ABCA4: variants seen among roughly 807,000 people sequenced by gnomAD.
ABCA4 encodes retinal-specific phospholipid-transporting ATPase ABCA4.
ABCA4 carries 196 observed loss-of-function variants against 263.7 expected under a neutral mutation model. That is an observed-to-expected ratio of 0.74 (90% CI 0.66 to 0.84). ABCA4 has a LOEUF of 0.84. Among genes scored for constraint, ABCA4 ranks in the 40% least tolerant of loss-of-function variants. The pLI is 0.00. For synonymous variants in ABCA4, 1,133 were observed against 1,094.2 expected (o/e 1.04, Z -0.70); for missense variants, 2,792 against 2,855.1 (o/e 0.98, Z 0.50).
chr1:94,008,426 G>T lies in ABCA4; in HGVS notation c.5836-129C>A, dbSNP rs142496114. The T allele has an allele frequency of 3.3e-5, 31 of 951,380 alleles. No homozygotes were observed. The African/African-American group carries it at 5.0e-4, about 15-fold the overall frequency. 58.9% of individuals were successfully genotyped at this position (951,380 alleles called of 1,614,324 possible). ...ACTAGGAGGTTACATATTGACATGGGCAGGCACAGAGGTGTGGTGAGTACT... is the reference window on the plus strand; with the variant it reads ...ACTAGGAGGTTACATATTGACATGGTCAGGCACAGAGGTGTGGTGAGTACT... On this transcript the variant is annotated intron_variant, in intron 41 of 49. Coordinates refer to ENST00000370225, the MANE Select transcript of ABCA4 (RefSeq NM_000350.3).
At chr1:94,089,932 G>A (rs1353679378) in intron 6 of ABCA4, among the ~76,000 whole-genome samples, 1 of 152,168 alleles carries the variant, frequency 6.6e-6, no homozygotes, top group Non-Finnish European at 1.5e-5. Context: ...TCAGTTCAGA[G>A]TCATGGGTGG....
chr1:94,032,206 G>A (rs1311153993), intron 26 of ABCA4, among the ~76,000 whole-genome samples, 163 bp from the exon 27 acceptor site: 1 of 151,828 alleles, frequency 6.6e-6, no homozygotes, highest in Non-Finnish European at 1.5e-5. Flanking sequence ...TCTATTTCTA[G>A]TGTAAATTAC....
chr1:94,000,350 T>G (rs1403053597), intron 47 of ABCA4, among the ~76,000 whole-genome samples: 1 of 152,244 alleles, frequency 6.6e-6, no homozygotes, highest in Non-Finnish European at 1.5e-5. Flanking sequence ...ATAATCCTAT[T>G]CAAGATTACT....
rs1333888513 is a variant in ABCA4 at position 94,117,002 on chromosome 1, CTTTCTTTCT to C, written c.67-3945_67-3937del. The stretch of plus-strand genomic sequence containing the variant: ...TCTTTCTTTCTTTCTTTCTTTCTTT[CTTTCTTTCT>C]TTCTTTCTTTCTTTCCTTTTCTTTC... On this transcript the variant is annotated intron_variant, in intron 1 of 49. Transcript: ENST00000370225. Among the ~76,000 whole-genome samples the C allele has an allele frequency of 2.9e-3, 326 of 110,630 alleles. 1 individual carries two copies. Among genetic ancestry groups the C allele is most frequent in the Non-Finnish European group, 3.2e-3 (171 of 52,712 alleles). 72.6% of individuals were successfully genotyped at this position (110,630 alleles called of 152,430 possible). A position where few individuals can be genotyped will look rare whatever the true frequency, so the allele number is the denominator to read the frequency against.
At chr1:94,078,997 T>C (rs1661613093) in intron 9 of ABCA4, among the ~76,000 whole-genome samples, 1 of 152,068 alleles carries the variant, frequency 6.6e-6, no homozygotes, top group Non-Finnish European at 1.5e-5. Flanking sequence ...TGGGAGAAAA[T>C]ACCCTTCCTC....
At chr1:94,061,011 G>T (rs1201430919) in intron 13 of ABCA4, among the ~76,000 whole-genome samples, 2 of 152,194 alleles carry the variant, frequency 1.3e-5, no homozygotes, top group Non-Finnish European at 2.9e-5. Flanking sequence ...CAAGTAAAAT[G>T]TGTCAATAAA....
chr1:94,103,757 C>A (rs557020503), intron 4 of ABCA4, among the ~76,000 whole-genome samples: 1 of 152,234 alleles, frequency 6.6e-6, no homozygotes, highest in East Asian at 1.9e-4. Flanking sequence ...ATGCTCAGGG[C>A]ACTGACATGG....
intron 19 of ABCA4, 136 bp downstream of exon 19, chr1:94,046,783 C>T (rs371773670): frequency 1.7e-5 from 18 of 1,082,238 alleles, no homozygotes; most frequent in African/African-American, 1.2e-4. Flanking sequence ...CTGCAGAAAG[C>T]TTTTACACAT....
chr1:93,994,149 T>C (rs1410558099), intron 49 of ABCA4, among the ~76,000 whole-genome samples: 1 of 152,190 alleles, frequency 6.6e-6, no homozygotes. Context: ...TTGATCTGAG[T>C]TGTTCCTAAT....
chr1:94,053,085 A>G (rs1200964803), intron 16 of ABCA4, among the ~76,000 whole-genome samples: 2 of 152,318 alleles, frequency 1.3e-5, no homozygotes, highest in African/African-American at 4.8e-5. Context: ...GTTGCTGAAC[A>G]CTTTGAGGTG....
At chr1:94,087,035 C>T (rs1661850556) in intron 6 of ABCA4, among the ~76,000 whole-genome samples, 1 of 152,180 alleles carries the variant, frequency 6.6e-6, no homozygotes, top group Non-Finnish European at 1.5e-5. Context: ...GGCATCTTCT[C>T]TCTGTGTCTT....
chr1:94,021,101 A>C, intron 35 of ABCA4, 139 bp downstream of exon 35: 1 of 1,179,154 alleles, frequency 8.5e-7, no homozygotes, highest in Non-Finnish European at 1.3e-6. Flanking sequence ...CTTATTTGAA[A>C]GTCGGATGTT....
At chr1:94,052,273 C>G (rs1660858730) in intron 16 of ABCA4, among the ~76,000 whole-genome samples, 1 of 152,208 alleles carries the variant, frequency 6.6e-6, no homozygotes, top group Non-Finnish European at 1.5e-5. Flanking sequence ...ACCCCCATCC[C>G]TCATTCTACT....
chr1:94,005,964 G>A (rs1033830502), intron 43 of ABCA4, among the ~76,000 whole-genome samples: 2 of 152,164 alleles, frequency 1.3e-5, no homozygotes, highest in African/African-American at 2.4e-5. Context: ...CATGTGTCCC[G>A]ATGGAAGTAA....
chr1:94,097,907 A>G (rs929757603), intron 6 of ABCA4, among the ~76,000 whole-genome samples: 7 of 151,894 alleles, frequency 4.6e-5, no homozygotes, highest in African/African-American at 1.2e-4. Flanking sequence ...CCGCCACCAC[A>G]CCTGGCTAAT....
Position 94,037,204 on chromosome 1 carries a change from C to A in ABCA4, c.3754G>T (p.Glu1252Ter), listed in dbSNP as rs61752423. ...CTGAGACCAAGGTCAGCCAGCGTCT[C>A]CTCCAGCTCTCTGAAAAGGCTGGCA... Reference protein sequence around the residue: ...AYASLFRELEETLADLGLSSF... With the variant: ...AYASLFRELE The change falls in exon 25 of 50, where the codon GAG (glutamate) becomes TAG (stop). Residue 1252 changes from glutamate to a stop codon, truncating the protein, a stop_gained. Transcript: ENST00000370225. LOFTEE classifies it high-confidence loss of function. The A allele has an allele frequency of 8.1e-6, 13 of 1,614,106 alleles. No individual in the cohort carries two copies. The highest frequency in any genetic ancestry group is 1.1e-5 in the South Asian group (1 of 91,084).
At chr1:94,093,880 T>C (rs1662044072) in intron 6 of ABCA4, among the ~76,000 whole-genome samples, 1 of 152,218 alleles carries the variant, frequency 6.6e-6, no homozygotes. Flanking sequence ...AAAATACTAA[T>C]GCTATAAATC....
intron 11 of ABCA4, among the ~76,000 whole-genome samples, chr1:94,066,744 T>C (rs1340812200): frequency 6.6e-6 from 1 of 152,258 alleles, no homozygotes; most frequent in East Asian, 1.9e-4. Flanking sequence ...AGCCACACTC[T>C]AGCCACAAGC....
At chr1:94,035,871 T>G (rs1242520402) in intron 26 of ABCA4, among the ~76,000 whole-genome samples, 1 of 152,206 alleles carries the variant, frequency 6.6e-6, no homozygotes, top group Non-Finnish European at 1.5e-5. Context: ...GGCTGTGGGT[T>G]TGATAAAAGT....
Sources: allele counts gnomAD v4.1 joint callset (sites outside exome capture counted in the v4.1 genomes callset), GRCh38; gene constraint gnomAD v4.1.1; transcripts MANE v1.5; gene names NCBI Gene and HGNC (gene_info 2026-07-23, HGNC 2026-07-21).